Variants in ASAP1 observed in about 807,000 individuals in gnomAD.
ASAP1 encodes ArfGAP with SH3 domain, ankyrin repeat and PH domain 1.
ASAP1 carries 43 observed loss-of-function variants against 145.2 expected under a neutral mutation model. The ratio of observed to expected loss-of-function variants is 0.30; its 90% CI spans 0.23 to 0.38. The LOEUF (loss-of-function observed/expected upper bound fraction) is 0.38, where lower values mean the gene tolerates loss of function less well. Among genes scored for constraint, ASAP1 ranks in the 10% least tolerant of loss-of-function variants. ASAP1 has a pLI of 1.00. For missense variants in ASAP1, 1,018 were observed against 1,355.3 expected, an observed-to-expected ratio of 0.75 and a Z score of 3.91; for synonymous variants, 546 against 515.5, an observed-to-expected ratio of 1.06 and a Z score of -0.80.
chr8:130,075,777 G>A (rs1375983882), intron 27 of ASAP1, among the ~76,000 whole-genome samples: 1 of 152,080 alleles, frequency 6.6e-6, no homozygotes, highest in Non-Finnish European at 1.5e-5. Context: ...TCTTAGCTTG[G>A]CAAAAAAACA....
intron 1 of ASAP1, among the ~76,000 whole-genome samples, chr8:130,442,899 C>T (rs749848979): frequency 6.6e-6 from 1 of 152,138 alleles, no homozygotes; most frequent in Non-Finnish European, 1.5e-5. Context: ...CTTCACGGTC[C>T]GCCCAGGAGC....
At chr8:130,414,594 CA>C (rs1302087723) in intron 1 of ASAP1, among the ~76,000 whole-genome samples, 26 of 152,180 alleles carry the variant, frequency 1.7e-4, no homozygotes, top group Non-Finnish European at 5.9e-5. Context: ...CAGAAATACA[CA>C]CATAACTGAT....
At chr8:130,276,730 T>TACA (rs1820924913) in intron 3 of ASAP1, among the ~76,000 whole-genome samples, 1 of 59,354 alleles carries the variant, frequency 1.7e-5, no homozygotes, top group Admixed American at 1.9e-4. Flanking sequence ...ACACACACAC[T>TACA]CTCTCTCTCT....
intron 15 of ASAP1, among the ~76,000 whole-genome samples, chr8:130,132,229 G>A (rs901592318): frequency 6.6e-6 from 1 of 152,180 alleles, no homozygotes; most frequent in Non-Finnish European, 1.5e-5. Context: ...CTGGGGTTGT[G>A]AGGATTAATA....
chr8:130,424,493 T>C (rs1228783668), intron 1 of ASAP1, among the ~76,000 whole-genome samples: 2 of 152,222 alleles, frequency 1.3e-5, no homozygotes, highest in Non-Finnish European at 2.9e-5. Context: ...GCCCAGAGGC[T>C]ACCTTGTAGG....
At chr8:130,167,417 G>A (rs747652839) in intron 11 of ASAP1, 119 bp downstream of exon 11, 3 of 848,432 alleles carry the variant, frequency 3.5e-6, no homozygotes, top group South Asian at 2.7e-5. Flanking sequence ...GCTTATGGTA[G>A]GTACATACTT....
At chr8:130,345,478 C>T (rs918096584) in intron 3 of ASAP1, among the ~76,000 whole-genome samples, 11 of 152,166 alleles carry the variant, frequency 7.2e-5, no homozygotes, top group African/African-American at 2.4e-4. Flanking sequence ...TTTGTTTCCA[C>T]CAAGAAAGTA....
At chr8:130,306,771 C>T (rs1466748082) in intron 3 of ASAP1, among the ~76,000 whole-genome samples, 6 of 152,216 alleles carry the variant, frequency 3.9e-5, no homozygotes, top group Admixed American at 2.6e-4. Context: ...TCACAATGCT[C>T]GGACCATGTA....
chr8:130,340,944 G>GT (rs775390998), intron 3 of ASAP1: 335 of 443,422 alleles, frequency 7.6e-4, no homozygotes, highest in Admixed American at 3.0e-3. Context: ...AAAATACTAG[G>GT]TTTTTTTTTG....
intron 18 of ASAP1, among the ~76,000 whole-genome samples, chr8:130,123,052 A>G (rs2097569098): frequency 6.6e-6 from 1 of 152,186 alleles, no homozygotes. Flanking sequence ...AAGCCTTTTC[A>G]GTGTAATTTG....
At chr8:130,213,547 C>G (rs1238693996) in intron 5 of ASAP1, among the ~76,000 whole-genome samples, 1 of 152,164 alleles carries the variant, frequency 6.6e-6, no homozygotes, top group African/African-American at 2.4e-5. Context: ...AGGTTAAGGA[C>G]ATCTTGAGAA....
In ASAP1 at chr8:130,159,918, C is replaced by T; in HGVS notation, c.956G>A (p.Gly319Asp). The change falls in exon 12 of 30, where the codon GGC becomes GAC. Residue 319 changes from glycine (G) to aspartate (D), a missense_variant. Coordinates refer to ENST00000518721, the MANE Select transcript of ASAP1 (RefSeq NM_018482.4). The part of the protein sequence containing the change: ...QGGYSMHQLQ[G>D]NKEYGSEKKG... ...CTTTTCACTGCCATATTCCTTATTG[C>T]CCTGGAGCTGATGCATGCTGTATCC... 6.2e-7 allele frequency: 1 copy of T among 1,614,058 alleles called. No individual in the cohort carries two copies. Among genetic ancestry groups the T allele is most frequent in the Non-Finnish European group, 8.5e-7 (1 of 1,180,002 alleles).
chr8:130,243,752 T>A (rs1008436615), intron 3 of ASAP1, among the ~76,000 whole-genome samples: 6 of 152,154 alleles, frequency 3.9e-5, no homozygotes, highest in African/African-American at 1.4e-4. Context: ...TTTCTGCCAT[T>A]CAGGTCAAAT....
chr8:130,189,051 A>T (rs2136230303), intron 5 of ASAP1, among the ~76,000 whole-genome samples: 1 of 152,206 alleles, frequency 6.6e-6, no homozygotes, highest in East Asian at 1.9e-4. Flanking sequence ...ATGGATACAT[A>T]ATAGTTGTAT....
chr8:130,230,241 A>T (rs1817831713), intron 4 of ASAP1, among the ~76,000 whole-genome samples: 2 of 152,052 alleles, frequency 1.3e-5, no homozygotes, highest in Non-Finnish European at 2.9e-5. Context: ...AAGTAAAATG[A>T]GAGCACTCAT....
intron 2 of ASAP1, among the ~76,000 whole-genome samples, chr8:130,366,812 A>T (rs1826969378): frequency 6.6e-6 from 1 of 151,282 alleles, no homozygotes; most frequent in East Asian, 1.9e-4. Context: ...AGTGCCTGGT[A>T]TATAGTAAGT....
chr8:130,070,022 G>A (rs1241594415), intron 27 of ASAP1, among the ~76,000 whole-genome samples: 1 of 152,198 alleles, frequency 6.6e-6, no homozygotes, highest in East Asian at 1.9e-4. Context: ...CACACTTCAT[G>A]TGAATTGACT....
chr8:130,158,101 A>G (rs1035136636), intron 12 of ASAP1, among the ~76,000 whole-genome samples: 1 of 152,202 alleles, frequency 6.6e-6, no homozygotes, highest in African/African-American at 2.4e-5. Flanking sequence ...TTAGAAGAGA[A>G]ATATTTATAA....
intron 9 of ASAP1, among the ~76,000 whole-genome samples, chr8:130,169,347 A>G (rs2136089180): frequency 6.6e-6 from 1 of 152,356 alleles, no homozygotes; most frequent in Non-Finnish European, 1.5e-5. Flanking sequence ...TGCAGTCCCA[A>G]AACAGTGATT....
Sources: gnomAD v4.1 joint callset for allele counts (sites outside exome capture counted in the v4.1 genomes callset) on GRCh38, gnomAD v4.1.1 for gene constraint, MANE v1.5 for transcripts, NCBI Gene and HGNC (gene_info 2026-07-23, HGNC 2026-07-21) for gene names.